FMN2: variants seen among roughly 807,000 people sequenced by gnomAD.
The protein encoded by FMN2 is formin-2.
A neutral mutation model predicts 142.3 loss-of-function variants in FMN2; 51 were observed. The ratio of observed to expected loss-of-function variants is 0.36; its 90% CI spans 0.29 to 0.45. FMN2 has a LOEUF of 0.45. Ranked by LOEUF, FMN2 falls within the 20% of genes least tolerant of loss-of-function variation. The probability of loss-of-function intolerance (pLI) is 1.00; values close to 1 mark genes in which losing one functional copy is unlikely to be tolerated. For missense variants in FMN2, 1,936 were observed against 2,122.8 expected (o/e 0.91, Z 1.73); for synonymous variants, 882 against 869.8 (o/e 1.01, Z -0.25).
At chr1:240,466,947 G>A (rs1159282660) in intron 16 of FMN2, among the ~76,000 whole-genome samples, 4 of 152,116 alleles carry the variant, frequency 2.6e-5, no homozygotes, top group Admixed American at 6.6e-5. Context: ...AAACAAACTC[G>A]GAGTCCTACT....
intron 1 of FMN2, among the ~76,000 whole-genome samples, chr1:240,118,734 G>A (rs887522680): frequency 2.0e-5 from 3 of 152,148 alleles, no homozygotes; most frequent in East Asian, 3.9e-4. Flanking sequence ...CTCGGGCGAG[G>A]TATCCTCCTG....
intron 10 of FMN2, 28 bp downstream of exon 10, chr1:240,329,496 C>G (rs925842323): frequency 6.2e-7 from 1 of 1,606,360 alleles, no homozygotes; most frequent in African/African-American, 1.3e-5. Flanking sequence ...GAGAGCTGAA[C>G]TTGAGTCTCA....
intron 4 of FMN2, among the ~76,000 whole-genome samples, chr1:240,190,297 C>G (rs1244860725): frequency 6.6e-6 from 1 of 152,076 alleles, no homozygotes; most frequent in Non-Finnish European, 1.5e-5. Context: ...TGAGAGGGAA[C>G]AATATTTGGA....
chr1:240,408,147 G>T (rs955212186), intron 15 of FMN2, among the ~76,000 whole-genome samples: 7 of 152,112 alleles, frequency 4.6e-5, no homozygotes, highest in Admixed American at 1.3e-4. Context: ...TCTTGACATT[G>T]TTAGCAATGA....
At chr1:240,284,399 T>C (rs540300395) in intron 7 of FMN2, among the ~76,000 whole-genome samples, 163 of 152,256 alleles carry the variant, frequency 1.1e-3, no homozygotes, top group African/African-American at 3.8e-3. Context: ...TTCCCCCTCA[T>C]CTAGACCCTG....
intron 8 of FMN2, among the ~76,000 whole-genome samples, chr1:240,317,434 ATCTGTT>A (rs2102995511): frequency 6.6e-6 from 1 of 152,272 alleles, no homozygotes; most frequent in South Asian, 2.1e-4. Flanking sequence ...GTAGTTAATA[ATCTGTT>A]TCCATCGCTA....
chr1:240,165,203 T>C (rs757653164), intron 2 of FMN2, among the ~76,000 whole-genome samples: 3 of 152,150 alleles, frequency 2.0e-5, no homozygotes, highest in Non-Finnish European at 2.9e-5. Flanking sequence ...TAAATCAGGG[T>C]CTCATGTTGT....
chr1:240,402,792 T>G (rs1173833932), intron 15 of FMN2, among the ~76,000 whole-genome samples: 1 of 152,242 alleles, frequency 6.6e-6, no homozygotes, highest in Non-Finnish European at 1.5e-5. Flanking sequence ...CTAATAAATG[T>G]CCATTCCTTT....
intron 15 of FMN2, among the ~76,000 whole-genome samples, chr1:240,404,431 TA>T (rs1423872591): frequency 6.6e-6 from 1 of 152,236 alleles, no homozygotes; most frequent in East Asian, 1.9e-4. Context: ...AGCCTGGTAT[TA>T]AAACTGAAGT....
At chr1:240,425,153 T>G in intron 15 of FMN2, among the ~76,000 whole-genome samples, 1 of 151,264 alleles carries the variant, frequency 6.6e-6, no homozygotes, top group African/African-American at 2.4e-5. Flanking sequence ...AGTGTTCAGC[T>G]TTTACTTTGG....
chr1:240,208,024 G>C lies in FMN2; in HGVS notation c.3212G>C (p.Gly1071Ala). The C allele has an allele frequency of 2.7e-6, 1 of 376,660 alleles. No individual in the cohort carries two copies. Among genetic ancestry groups the C allele is most frequent in the Non-Finnish European group, 4.6e-6 (1 of 217,152 alleles). 23.3% of individuals were successfully genotyped at this position (376,660 alleles called of 1,614,324 possible). A position where few individuals can be genotyped will look rare whatever the true frequency, so the allele number is the denominator to read the frequency against. ...ATACCTCCTCCACCCCCTCTACCCG[G>C]AGCGGGCATACCCCCTCCGCCCCCA... is the stretch of plus-strand genomic sequence containing the variant. ...AGIPPPPPLP[G>A]AGIPPPPPLP... Residue 1071 changes from glycine to alanine, a missense_variant, in exon 5 of 18, where the codon GGA becomes GCA. Gly to Ala is a moderately conservative substitution (Grantham distance 60). This residue lies in a region of FMN2 where 56 missense variants were observed against 111.8 expected (regional missense o/e 0.50). Coordinates refer to ENST00000319653, the MANE Select transcript of FMN2 (RefSeq NM_020066.5).
chr1:240,232,249 CTTTTTTTTTTT>C (rs77988184), intron 6 of FMN2, among the ~76,000 whole-genome samples: 1 of 99,540 alleles, frequency 1.0e-5, no homozygotes, highest in East Asian at 2.6e-4. Context: ...CCCAGCTAAT[CTTTTTTTTTTT>C]TTTTTTTTTT....
chr1:240,448,675 G>T (rs1173459561), intron 16 of FMN2, among the ~76,000 whole-genome samples: 2 of 152,014 alleles, frequency 1.3e-5, no homozygotes, highest in Non-Finnish European at 2.9e-5. Context: ...ACAAAAATTA[G>T]CTTGGCATGG....
intron 2 of FMN2, among the ~76,000 whole-genome samples, chr1:240,176,490 A>G (rs1664918365): frequency 6.6e-6 from 1 of 152,172 alleles, no homozygotes; most frequent in South Asian, 2.1e-4. Flanking sequence ...CTCCTAAACT[A>G]GAGGTGGGAG....
intron 14 of FMN2, among the ~76,000 whole-genome samples, chr1:240,368,320 C>T (rs1202830966): frequency 6.6e-6 from 1 of 152,190 alleles, no homozygotes; most frequent in Non-Finnish European, 1.5e-5. Flanking sequence ...CTGGGTAGAA[C>T]TGACATCTTT....
intron 14 of FMN2, among the ~76,000 whole-genome samples, chr1:240,384,379 G>A (rs771468310): frequency 3.3e-5 from 5 of 152,152 alleles, no homozygotes; most frequent in Non-Finnish European, 7.4e-5. Flanking sequence ...TGCTTTGCCT[G>A]TTGTATGATC....
chr1:240,310,985 A>G (rs1670586248), intron 8 of FMN2, among the ~76,000 whole-genome samples: 1 of 152,182 alleles, frequency 6.6e-6, no homozygotes, highest in African/African-American at 2.4e-5. Context: ...CATGAATACT[A>G]TTAGCAGTTC....
chr1:240,188,316 A>G (rs1490692362), intron 4 of FMN2, 54 bp downstream of exon 4: 2 of 1,574,882 alleles, frequency 1.3e-6, no homozygotes, highest in Non-Finnish European at 1.7e-6. Context: ...TTGTCTTAAG[A>G]TTGTGACAGA....
At chr1:240,382,031 T>G (rs1673241858) in intron 14 of FMN2, among the ~76,000 whole-genome samples, 1 of 152,160 alleles carries the variant, frequency 6.6e-6, no homozygotes, top group Non-Finnish European at 1.5e-5. Flanking sequence ...AGAAGTCAGA[T>G]TATCTCTCCT....
Sources: allele counts gnomAD v4.1 joint callset (sites outside exome capture counted in the v4.1 genomes callset), GRCh38; gene constraint gnomAD v4.1.1; regional missense constraint gnomAD v4.1.1; transcripts MANE v1.5; gene names NCBI Gene and HGNC (gene_info 2026-07-23, HGNC 2026-07-21).